PCBP3: variants seen among roughly 807,000 people sequenced by gnomAD.
The protein encoded by PCBP3 is poly(rC) binding protein 3, also known as poly(rC)-binding protein 3.
A neutral mutation model predicts 52.7 loss-of-function variants in PCBP3; 25 were observed. The observed-to-expected ratio is 0.47, with a 90% confidence interval of 0.35 to 0.66. The LOEUF (loss-of-function observed/expected upper bound fraction) is 0.66. Ranked by LOEUF, PCBP3 falls within the 30% of genes least tolerant of loss-of-function variation. The pLI is 0.01. For synonymous variants in PCBP3, 162 were observed against 183.0 expected, an observed-to-expected ratio of 0.89 and a Z score of 0.93; for missense variants, 391 against 490.3, an observed-to-expected ratio of 0.80 and a Z score of 1.91.
At chr21:45,778,507 G>A (rs945074412) in intron 4 of PCBP3, among the ~76,000 whole-genome samples, 4 of 152,200 alleles carry the variant, frequency 2.6e-5, no homozygotes, top group Admixed American at 2.6e-4. Context: ...GCAGTGGTGG[G>A]ATGATACTCT....
intron 5 of PCBP3, among the ~76,000 whole-genome samples, chr21:45,882,280 ATGT>A (rs778291641): frequency 6.6e-6 from 1 of 152,104 alleles, no homozygotes; most frequent in Non-Finnish European, 1.5e-5. Flanking sequence ...GTGATTAGTG[ATGT>A]TGTGCACTTT....
chr21:45,929,957 C>G lies in PCBP3; in HGVS notation c.758C>G (p.Pro253Arg). The stretch of plus-strand genomic sequence containing the variant: ...CACCAGTTGGCCATGCAGCAAACCC[C>G]CTTTCCTCCCCTCGGACAGACCAAC... The part of the protein sequence containing the change: ...KLHQLAMQQT[P>R]FPPLGQTNPA... Residue 253 changes from proline to arginine, a missense_variant, in exon 14 of 18, where the codon CCC becomes CGC. Pro to Arg is a moderately radical substitution (Grantham distance 103). Coordinates refer to ENST00000681687, the MANE Select transcript of PCBP3 (RefSeq NM_001384156.1). 1 of 1,613,934 alleles carries G rather than the reference C, an allele frequency of 6.2e-7. No homozygotes were observed. The highest frequency in any genetic ancestry group is 8.5e-7 in the Non-Finnish European group (1 of 1,179,960).
intron 4 of PCBP3, among the ~76,000 whole-genome samples, chr21:45,825,109 G>T (rs1394537100): frequency 2.6e-5 from 4 of 152,178 alleles, no homozygotes; most frequent in African/African-American, 7.2e-5. Context: ...CCCTGCATTG[G>T]CTCTGAGCTT....
chr21:45,646,058 TC>T (rs2079233902), intron 1 of PCBP3, among the ~76,000 whole-genome samples: 3 of 112,800 alleles, frequency 2.7e-5, no homozygotes, highest in Non-Finnish European at 5.4e-5. Context: ...CCTGTTTCTC[TC>T]TCTCTCTCTC....
intron 4 of PCBP3, among the ~76,000 whole-genome samples, chr21:45,794,214 G>T (rs2091794322): frequency 6.6e-6 from 1 of 152,112 alleles, no homozygotes; most frequent in Admixed American, 6.5e-5. Flanking sequence ...GATTTACAAG[G>T]AACCATTGTA....
intron 5 of PCBP3, chr21:45,858,340 A>C (rs2094385116): frequency 6.6e-6 from 1 of 152,294 alleles, no homozygotes; most frequent in South Asian, 2.1e-4. Context: ...CATAAGGTGA[A>C]GTAAACCTGG....
intron 4 of PCBP3, among the ~76,000 whole-genome samples, chr21:45,767,145 G>A (rs1047348266): frequency 2.6e-5 from 4 of 152,070 alleles, no homozygotes; most frequent in African/African-American, 4.8e-5. Context: ...CAGCCACCAC[G>A]TCTGCCTACT....
chr21:45,665,682 A>G (rs1224770266), intron 1 of PCBP3, among the ~76,000 whole-genome samples: 4 of 152,208 alleles, frequency 2.6e-5, no homozygotes, highest in Admixed American at 6.5e-5. Context: ...GCTGAATTCT[A>G]CCAGATGTGT....
intron 4 of PCBP3, among the ~76,000 whole-genome samples, chr21:45,810,250 G>C (rs2092645836): frequency 6.6e-6 from 1 of 151,152 alleles, no homozygotes; most frequent in Admixed American, 6.6e-5. Flanking sequence ...GTGTGTGAGA[G>C]AGTGTGTGTG....
intron 4 of PCBP3, among the ~76,000 whole-genome samples, chr21:45,814,641 AG>A (rs2092794251): frequency 2.9e-5 from 1 of 34,180 alleles, no homozygotes; most frequent in Non-Finnish European, 5.5e-5. Context: ...GTGAGTGGTG[AG>A]TGAGTGGTGA....
chr21:45,699,069 C>T (rs1216621751), intron 2 of PCBP3, among the ~76,000 whole-genome samples: 1 of 152,182 alleles, frequency 6.6e-6, no homozygotes, highest in Admixed American at 6.5e-5. Context: ...CCTGCCACAT[C>T]CCTGAGCTTT....
At chr21:45,657,487 A>G (rs770480894) in intron 1 of PCBP3, among the ~76,000 whole-genome samples, 21 of 152,086 alleles carry the variant, frequency 1.4e-4, no homozygotes, top group Admixed American at 3.3e-4. Flanking sequence ...TGAACTCTCA[A>G]CTCTATTCCA....
Position 45,930,001 on chromosome 21 carries a change from T to C in PCBP3, c.796+6T>C. On this transcript the variant is annotated splice_donor_region_variant and intron_variant, in intron 14 of 17. Coordinates refer to ENST00000681687, the MANE Select transcript of PCBP3 (RefSeq NM_001384156.1). ...GACCAACCCCGCTTTCCCCGGTACG[T>C]ACCCAGCCCTTTTCTCACCTCCTTC... 1 of 1,606,776 alleles carries C rather than the reference T, an allele frequency of 6.2e-7. No individual in the cohort carries two copies. The highest frequency in any genetic ancestry group is 8.5e-7 in the Non-Finnish European group (1 of 1,173,594).
rs1414735557 is a variant in PCBP3, at chr21:45,817,046, T to C, written c.-125-32915T>C. Among the ~76,000 whole-genome samples, 3 of 152,196 alleles carry C rather than the reference T, an allele frequency of 2.0e-5. No individual in the cohort carries two copies. Among genetic ancestry groups the C allele is most frequent in the Non-Finnish European group, 1.5e-5 (1 of 68,042 alleles). ...CGGCTGTGGTATATGGCACGTCTGT[T>C]GTTGCCTGAAATGCCGTTGTGTGGC... On this transcript the variant is annotated intron_variant, in intron 4 of 17. Transcript: ENST00000681687. This position sits in a 1 kb window ranked among gnomAD's most constrained non-coding sequence, Gnocchi z 4.3.
rs372558071 is a variant in PCBP3, at chr21:45,825,356, G to A, written c.-125-24605G>A. On this transcript the variant is annotated intron_variant, in intron 4 of 17. Coordinates refer to ENST00000681687, the MANE Select transcript of PCBP3 (RefSeq NM_001384156.1). ...TGGAGCCTGGCCCTCCTCCCTGATC[G>A]TCATCTCTTAGGAAATGAGGCAAGG... is the stretch of plus-strand genomic sequence containing the variant. Among the ~76,000 whole-genome samples the A allele has an allele frequency of 1.2e-3, 183 of 152,228 alleles. 2 individuals carry two copies. The highest frequency in any genetic ancestry group is 4.0e-3 in the African/African-American group (167 of 41,536).
At chr21:45,930,970 C>T in intron 15 of PCBP3, 125 bp downstream of exon 15, 1 of 1,371,504 alleles carries the variant, frequency 7.3e-7, no homozygotes, top group South Asian at 1.3e-5. Flanking sequence ...GTGGGCCAGC[C>T]TCAGGTGCTG....
At chr21:45,874,970 C>T (rs1170681005) in intron 5 of PCBP3, among the ~76,000 whole-genome samples, 1 of 152,176 alleles carries the variant, frequency 6.6e-6, no homozygotes, top group Non-Finnish European at 1.5e-5. Flanking sequence ...GGCAGGAGTG[C>T]TGCAGGAGTG....
intron 1 of PCBP3, among the ~76,000 whole-genome samples, chr21:45,646,107 C>CTCTGTGTGTGTGTGTGTGTGTGTGTG (rs1555895746): frequency 2.4e-5 from 2 of 83,824 alleles, no homozygotes; most frequent in East Asian, 7.0e-4. Flanking sequence ...CTCTCTCTCT[C>CTCTGTGTGTGTGTGTGTGTGTGTGTG]TGTGTGTGTG....
intron 4 of PCBP3, among the ~76,000 whole-genome samples, chr21:45,764,119 C>CTTTTTTT (rs71185167): frequency 1.7e-5 from 2 of 119,788 alleles, no homozygotes; most frequent in African/African-American, 6.4e-5. Flanking sequence ...TTTTTTTTTT[C>CTTTTTTT]TTTTTTTTTT....
Sources: gnomAD v4.1 joint callset for allele counts (sites outside exome capture counted in the v4.1 genomes callset) on GRCh38, gnomAD v4.1.1 for gene constraint, Gnocchi (gnomAD v3.1) non-coding constraint, MANE v1.5 for transcripts, NCBI Gene and HGNC (gene_info 2026-07-23, HGNC 2026-07-21) for gene names.